The following KCNQ3 variants were observed in gnomAD, a reference collection of about 807,000 sequenced individuals.
KCNQ3 encodes the protein potassium voltage-gated channel subfamily Q member 3, also known as potassium voltage-gated channel subfamily KQT member 3.
In KCNQ3, 30 loss-of-function variants were observed where a neutral mutation model predicts 92.5. That is an observed-to-expected ratio of 0.32 (90% CI 0.24 to 0.44). KCNQ3 has a LOEUF of 0.44. KCNQ3 is among the 20% of genes least tolerant of loss of function. KCNQ3 has a pLI of 1.00. For synonymous variants in KCNQ3, 450 were observed against 468.8 expected (o/e 0.96, Z 0.52); for missense variants, 913 against 1,140.3 (o/e 0.80, Z 2.87).
chr8:132,385,361 T>C (rs1819863783), intron 1 of KCNQ3, among the ~76,000 whole-genome samples: 1 of 152,242 alleles, frequency 6.6e-6, no homozygotes, highest in Non-Finnish European at 1.5e-5. Flanking sequence ...GTGTGCTTTC[T>C]GGGGAGCCTA....
At chr8:132,404,687 C>T (rs1269068633) in intron 1 of KCNQ3, among the ~76,000 whole-genome samples, 1 of 152,142 alleles carries the variant, frequency 6.6e-6, no homozygotes, top group East Asian at 1.9e-4. Flanking sequence ...TCTGGCTCTG[C>T]TTCTCTGGTG....
intron 1 of KCNQ3, among the ~76,000 whole-genome samples, chr8:132,238,984 G>T (rs2130397913): frequency 6.6e-6 from 1 of 152,284 alleles, no homozygotes; most frequent in Middle Eastern, 3.4e-3. Context: ...AAAGACAGAG[G>T]CAAAGTCATG....
intron 1 of KCNQ3, among the ~76,000 whole-genome samples, chr8:132,246,220 C>A (rs140732533): frequency 7.6e-4 from 115 of 152,214 alleles, no homozygotes; most frequent in African/African-American, 2.6e-3. Context: ...CCCTTAGGCA[C>A]AGGCAAAGGG....
intron 1 of KCNQ3, among the ~76,000 whole-genome samples, chr8:132,234,481 C>T (rs1462291820): frequency 6.6e-6 from 1 of 151,430 alleles, no homozygotes; most frequent in Non-Finnish European, 1.5e-5. Flanking sequence ...ATGGGGCTAC[C>T]TTCTGCGGGT....
intron 1 of KCNQ3, among the ~76,000 whole-genome samples, chr8:132,209,788 G>T (rs1455627988): frequency 6.6e-6 from 1 of 152,136 alleles, no homozygotes; most frequent in African/African-American, 2.4e-5. Flanking sequence ...GCTAGGCCAA[G>T]CTATGATGTT....
At chr8:132,362,944 A>C (rs73345919) in intron 1 of KCNQ3, among the ~76,000 whole-genome samples, 14,469 of 152,158 alleles carry the variant, frequency 0.095, 721 homozygotes, top group South Asian at 0.16. Context: ...CTAAGGCTAG[A>C]GGGAAGGAGA....
At chr8:132,185,960 C>T in intron 2 of KCNQ3, 131 bp downstream of exon 2, 1 of 735,888 alleles carries the variant, frequency 1.4e-6, no homozygotes, top group South Asian at 1.5e-5. Flanking sequence ...CTTTGCTTTT[C>T]CTTGGGCCTG....
At position 132,140,167 on chromosome 8, in the gene KCNQ3, C is replaced by A; in HGVS notation, c.1477G>T (p.Gly493Cys). 6.2e-7 allele frequency: 1 copy of A among 1,613,296 alleles called. No homozygotes were observed. Among genetic ancestry groups the A allele is most frequent in the Non-Finnish European group, 8.5e-7 (1 of 1,179,692 alleles). Residue 493 changes from glycine to cysteine, a missense_variant, in exon 11 of 15, where the codon GGT (glycine) becomes TGT (cysteine). Around this residue, in one of 6 missense-constraint regions of KCNQ3, gnomAD observed 182 missense variants for 234.5 expected, o/e 0.78. Transcript: ENST00000388996. The stretch of plus-strand genomic sequence containing the variant: ...CCCCTGTCTTCCGCCATGGGGTCAC[C>A]TGTCCCGGCATCTGGGAGGGAGACA... ...FWQSSEDAGT[G>C]DPMAEDRGYG... is the part of the protein sequence containing the mutation.
intron 1 of KCNQ3, among the ~76,000 whole-genome samples, chr8:132,276,211 C>A (rs778691822): frequency 1.3e-5 from 2 of 152,102 alleles, no homozygotes; most frequent in East Asian, 1.9e-4. Context: ...TTTATTGTAC[C>A]CCCAACGCAG....
At chr8:132,140,688 T>C (rs1825263724) in intron 10 of KCNQ3, 10 of 253,422 alleles carry the variant, frequency 3.9e-5, no homozygotes, top group Non-Finnish European at 7.7e-5. Context: ...CTTTTCTGCA[T>C]GTCCTCCCTT....
At chr8:132,429,021 T>C (rs762093163) in intron 1 of KCNQ3, among the ~76,000 whole-genome samples, 37 of 152,194 alleles carry the variant, frequency 2.4e-4, no homozygotes, top group Non-Finnish European at 5.1e-4. Context: ...TTCCAGACCA[T>C]CAACTAGGGG....
intron 1 of KCNQ3, among the ~76,000 whole-genome samples, chr8:132,380,446 G>C (rs2608209): frequency 1.4e-4 from 21 of 152,158 alleles, no homozygotes; most frequent in African/African-American, 5.1e-4. Flanking sequence ...ATCAGAAGCC[G>C]GATGAAGAAG....
intron 1 of KCNQ3, among the ~76,000 whole-genome samples, chr8:132,453,274 C>T (rs966283382): frequency 1.3e-5 from 2 of 152,180 alleles, no homozygotes; most frequent in Non-Finnish European, 2.9e-5. Context: ...CTAAGGTCAA[C>T]AGACAGCCCC....
At chr8:132,337,789 A>G (rs941277394) in intron 1 of KCNQ3, among the ~76,000 whole-genome samples, 2 of 152,228 alleles carry the variant, frequency 1.3e-5, no homozygotes, top group African/African-American at 2.4e-5. Context: ...CCTGGCATAT[A>G]ATAAATATTC....
intron 1 of KCNQ3, among the ~76,000 whole-genome samples, chr8:132,283,512 A>T (rs1002613805): frequency 2.6e-5 from 4 of 152,230 alleles, no homozygotes; most frequent in African/African-American, 9.6e-5. Flanking sequence ...TTGCTGGCAG[A>T]GATTCCAGTG....
chr8:132,441,639 A>G (rs1326152927), intron 1 of KCNQ3, among the ~76,000 whole-genome samples: 1 of 152,214 alleles, frequency 6.6e-6, no homozygotes, highest in East Asian at 1.9e-4. Context: ...GTATATACCC[A>G]GTAATGGGAT....
intron 1 of KCNQ3, among the ~76,000 whole-genome samples, chr8:132,428,329 T>C (rs1307099128): frequency 6.6e-6 from 1 of 152,232 alleles, no homozygotes; most frequent in African/African-American, 2.4e-5. Flanking sequence ...CAACATGAAA[T>C]GCCTGCTGTA....
intron 8 of KCNQ3, among the ~76,000 whole-genome samples, chr8:132,169,695 T>A (rs1826255005): frequency 6.6e-6 from 1 of 152,144 alleles, no homozygotes; most frequent in Non-Finnish European, 1.5e-5. Context: ...GACCTTTCCT[T>A]ATCAGCTACT....
intron 1 of KCNQ3, among the ~76,000 whole-genome samples, chr8:132,453,286 G>A (rs1821863644): frequency 6.6e-6 from 1 of 152,192 alleles, no homozygotes; most frequent in Non-Finnish European, 1.5e-5. Context: ...GACAGCCCCT[G>A]AAGGGCTTTG....
Sources: gnomAD v4.1 joint callset for allele counts (sites outside exome capture counted in the v4.1 genomes callset) on GRCh38, gnomAD v4.1.1 for gene constraint, gnomAD v4.1.1 regional missense constraint, MANE v1.5 for transcripts, NCBI Gene and HGNC (gene_info 2026-07-23, HGNC 2026-07-21) for gene names.